Variants in RREB1 observed in about 807,000 individuals in gnomAD.
The protein encoded by RREB1 is ras-responsive element-binding protein 1.
Under a neutral mutation model 117.8 loss-of-function variants are expected in RREB1, and 27 were observed. The observed-to-expected ratio is 0.23, with a 90% CI of 0.17 to 0.32. The LOEUF (loss-of-function observed/expected upper bound fraction) is 0.32, where lower values mean the gene tolerates loss of function less well. RREB1 is among the 10% of genes least tolerant of loss of function. RREB1 has a pLI of 1.00. For synonymous variants in RREB1, 1,298 were observed against 1,026.7 expected, an observed-to-expected ratio of 1.26 and a Z score of -5.05; for missense variants, 2,577 against 2,378.2, an observed-to-expected ratio of 1.08 and a Z score of -1.74.
In RREB1 at chr6:7,178,402, A is replaced by G. The variant is rs184559306; in HGVS notation, c.-166+1629A>G. Among the ~76,000 whole-genome samples, 14 of 152,292 alleles carry G rather than the reference A, an allele frequency of 9.2e-5. No homozygotes were observed. The East Asian group carries it at 1.9e-3, about 21-fold the overall frequency. ...ATTGTCCAGGATGTGGTTATAGGGT[A>G]GATAGGACCAACTAATACTGGCCAG... On this transcript the variant is annotated intron_variant, in intron 2 of 12. Coordinates refer to ENST00000379938, the MANE Select transcript of RREB1 (RefSeq NM_001003699.4).
chr6:7,165,440 T>A (rs1763885751), intron 1 of RREB1, among the ~76,000 whole-genome samples: 2 of 152,226 alleles, frequency 1.3e-5, no homozygotes, highest in African/African-American at 4.8e-5. Context: ...CATGCCTCAT[T>A]TTTATGATCA....
Position 7,145,606 on chromosome 6 carries a change from T to C in RREB1, c.-284-31049T>C, listed in dbSNP as rs1762819879. Among the ~76,000 whole-genome samples the C allele has an allele frequency of 2.6e-5, 4 of 152,172 alleles. 1 individual carries two copies. In the South Asian group the frequency reaches 8.3e-4, roughly 32 times the overall value. On this transcript the variant is annotated intron_variant, in intron 1 of 12. Transcript: ENST00000379938. ...CAAGTGCGTGAAAACTGGACCTAGC[T>C]CAGCCTAATTTCCATGTATCTATTT... is the stretch of plus-strand genomic sequence containing the variant.
chr6:7,160,111 T>C (rs1303144254), intron 1 of RREB1, among the ~76,000 whole-genome samples: 1 of 143,010 alleles, frequency 7.0e-6, no homozygotes, highest in Non-Finnish European at 1.5e-5. Flanking sequence ...TTTGATCACT[T>C]TCTTTTTTGC....
chr6:7,171,067 GTGT>G (rs1764183540), intron 1 of RREB1, among the ~76,000 whole-genome samples: 1 of 152,174 alleles, frequency 6.6e-6, no homozygotes, highest in African/African-American at 2.4e-5. Context: ...TCCCTGCCTC[GTGT>G]TGGTGGATCT....
intron 1 of RREB1, among the ~76,000 whole-genome samples, chr6:7,108,472 C>G (rs899084523): frequency 6.6e-6 from 1 of 151,990 alleles, no homozygotes; most frequent in Non-Finnish European, 1.5e-5. Flanking sequence ...GGAATCCGGC[C>G]CGACCCGCGC....
intron 1 of RREB1, among the ~76,000 whole-genome samples, chr6:7,135,848 A>G (rs1022331248): frequency 3.9e-5 from 6 of 152,264 alleles, no homozygotes; most frequent in Admixed American, 3.9e-4. Flanking sequence ...AGCACAGGAA[A>G]GAATGGGATT....
intron 3 of RREB1, 148 bp from the exon 4 acceptor site, chr6:7,181,722 T>C (rs1194106141): frequency 1.4e-6 from 1 of 701,276 alleles, no homozygotes; most frequent in East Asian, 2.5e-5. Context: ...TCCATCACTC[T>C]GGGCGTGAAT....
intron 1 of RREB1, among the ~76,000 whole-genome samples, chr6:7,111,264 A>T (rs1374890780): frequency 2.0e-5 from 3 of 152,196 alleles, no homozygotes; most frequent in Non-Finnish European, 1.5e-5. Context: ...GAGGTCAGTT[A>T]GGAAGTCTTT....
chr6:7,126,654 G>T (rs1761947012), intron 1 of RREB1, among the ~76,000 whole-genome samples: 1 of 152,200 alleles, frequency 6.6e-6, no homozygotes, highest in Non-Finnish European at 1.5e-5. Context: ...ATTTGCTACT[G>T]TTATTATCAT....
chr6:7,156,231 TTTAAAGCTCCGTCCACTTCC>T (rs763379084), intron 1 of RREB1, among the ~76,000 whole-genome samples: 11 of 152,202 alleles, frequency 7.2e-5, no homozygotes, highest in Non-Finnish European at 1.6e-4. Context: ...CATAAGTTGT[TTTAAAGCTCCGTCCACTTCC>T]TTTCCCTTCA....
At chr6:7,200,283 T>TG (rs1491275718) in intron 6 of RREB1, among the ~76,000 whole-genome samples, 99 of 93,930 alleles carry the variant, frequency 1.1e-3, no homozygotes, top group Middle Eastern at 4.6e-3. Context: ...TGTGTGTGTA[T>TG]TTTTTTTTTT....
chr6:7,223,067 C>T (rs1767355734), intron 8 of RREB1, among the ~76,000 whole-genome samples: 1 of 151,940 alleles, frequency 6.6e-6, no homozygotes, highest in Non-Finnish European at 1.5e-5. Context: ...CCAGCCTAGG[C>T]AACATGGTGA....
At chr6:7,205,074 G>C (rs548831124) in intron 6 of RREB1, among the ~76,000 whole-genome samples, 35 of 152,338 alleles carry the variant, frequency 2.3e-4, no homozygotes, top group African/African-American at 8.2e-4. Flanking sequence ...TCCAAAAAAT[G>C]TCAGTGTCCT....
chr6:7,189,448 G>T, intron 6 of RREB1, 126 bp downstream of exon 6: 1 of 932,242 alleles, frequency 1.1e-6, no homozygotes, highest in South Asian at 1.9e-5. Context: ...TCTGTCCATT[G>T]TATGGAAAAA....
chr6:7,155,567 T>C (rs541009315), intron 1 of RREB1, among the ~76,000 whole-genome samples: 1 of 152,348 alleles, frequency 6.6e-6, no homozygotes, highest in South Asian at 2.1e-4. Flanking sequence ...TGCCTCAGCC[T>C]CCCAAGGTGC....
intron 1 of RREB1, among the ~76,000 whole-genome samples, chr6:7,176,196 C>CATG (rs1319034655): frequency 2.0e-5 from 3 of 152,226 alleles, no homozygotes; most frequent in African/African-American, 7.2e-5. Context: ...GGATTACAGG[C>CATG]ATGAGCCACT....
intron 12 of RREB1, 34 bp downstream of exon 12, chr6:7,247,255 AGAG>A (rs775553697): frequency 1.9e-6 from 3 of 1,574,366 alleles, no homozygotes; most frequent in Non-Finnish European, 2.6e-6. Context: ...CGGCCCAACA[AGAG>A]GAGGCGAGCC....
intron 1 of RREB1, among the ~76,000 whole-genome samples, chr6:7,145,952 A>T (rs572127167): frequency 7.3e-6 from 1 of 137,220 alleles, no homozygotes; most frequent in East Asian, 1.9e-4. Flanking sequence ...CAAGACTGTT[A>T]AAGCCAGTGC....
chr6:7,120,203 C>T (rs1761613930), intron 1 of RREB1, among the ~76,000 whole-genome samples: 1 of 151,874 alleles, frequency 6.6e-6, no homozygotes. Flanking sequence ...CTCATCCCAG[C>T]AGTTTGGGAG....
Sources: allele counts gnomAD v4.1 joint callset (sites outside exome capture counted in the v4.1 genomes callset), GRCh38; gene constraint gnomAD v4.1.1; transcripts MANE v1.5; gene names NCBI Gene and HGNC (gene_info 2026-07-23, HGNC 2026-07-21).